DGKB: variants seen among roughly 807,000 people sequenced by gnomAD.
DGKB encodes diacylglycerol kinase beta, also known as 90 kDa diacylglycerol kinase.
A neutral mutation model predicts 114.3 loss-of-function variants in DGKB; 67 were observed. That is an observed-to-expected ratio of 0.59 (90% CI 0.48 to 0.72). The LOEUF (loss-of-function observed/expected upper bound fraction) is 0.72. Among genes scored for constraint, DGKB ranks in the 30% least tolerant of loss-of-function variants. The probability of loss-of-function intolerance (pLI) is 0.00; values close to 1 mark genes in which losing one functional copy is unlikely to be tolerated. For missense variants in DGKB, 907 were observed against 975.2 expected (o/e 0.93, Z 0.93); for synonymous variants, 398 against 323.1 (o/e 1.23, Z -2.49).
intron 20 of DGKB, among the ~76,000 whole-genome samples, chr7:14,546,878 G>A (rs536315256): frequency 2.0e-5 from 3 of 152,208 alleles, no homozygotes; most frequent in African/African-American, 7.2e-5. Flanking sequence ...TGGGATTCTG[G>A]CCATTTGAAT....
At chr7:14,208,044 A>G (rs915617198) in intron 23 of DGKB, among the ~76,000 whole-genome samples, 3 of 152,064 alleles carry the variant, frequency 2.0e-5, no homozygotes, top group Non-Finnish European at 2.9e-5. Flanking sequence ...TAAATATGCA[A>G]GCTTTTATAT....
intron 1 of DGKB, among the ~76,000 whole-genome samples, chr7:14,869,573 T>C (rs1852167967): frequency 6.6e-6 from 1 of 152,174 alleles, no homozygotes; most frequent in Non-Finnish European, 1.5e-5. Flanking sequence ...ATTACATGCT[T>C]TACTTTTAAA....
intron 21 of DGKB, among the ~76,000 whole-genome samples, chr7:14,477,162 A>G (rs911541760): frequency 1.3e-5 from 2 of 152,226 alleles, no homozygotes; most frequent in African/African-American, 4.8e-5. Flanking sequence ...TTAGAAAACT[A>G]TAAAACAATT....
chr7:14,318,838 G>A (rs576272361), intron 23 of DGKB, among the ~76,000 whole-genome samples: 11 of 152,208 alleles, frequency 7.2e-5, no homozygotes, highest in South Asian at 4.1e-4. Flanking sequence ...ACATGCACAC[G>A]TATGTTTATT....
In DGKB at chr7:14,726,134, T is replaced by A. The variant is rs1000774499; in HGVS notation, c.323-7449A>T. Reference sequence around the variant, plus strand: ...TTGGAGTTTTATTATTTATTTATTTTTATTTATTTATTTATTTATTTTTGA... The same window carrying A: ...TTGGAGTTTTATTATTTATTTATTTATATTTATTTATTTATTTATTTTTGA... On this transcript the variant is annotated intron_variant, in intron 5 of 25. Transcript: ENST00000402815. Among the ~76,000 whole-genome samples, 10 of 151,920 alleles carry A rather than the reference T, an allele frequency of 6.6e-5. No homozygotes were observed. The South Asian group carries it at 1.9e-3, about 28-fold the overall frequency.
intron 2 of DGKB, among the ~76,000 whole-genome samples, chr7:14,797,945 G>T (rs1357201852): frequency 6.6e-6 from 1 of 152,134 alleles, no homozygotes; most frequent in Non-Finnish European, 1.5e-5. Context: ...AGTGAATAAG[G>T]CAGAGTGGAA....
chr7:14,865,674 C>T (rs899630695), intron 1 of DGKB, among the ~76,000 whole-genome samples: 2 of 152,062 alleles, frequency 1.3e-5, no homozygotes, highest in Non-Finnish European at 2.9e-5. Context: ...CCATCATATA[C>T]AGTGAGAATG....
Position 14,502,374 on chromosome 7 carries a change from T to C in DGKB, c.1771-24149A>G, listed in dbSNP as rs73682403. Among the ~76,000 whole-genome samples the C allele has an allele frequency of 9.7e-3, 1,470 of 152,058 alleles. 20 individuals are homozygous for C. Among genetic ancestry groups the C allele is most frequent in the African/African-American group, 0.033 (1,375 of 41,526 alleles). Reference sequence around the variant, plus strand: ...CCCCAACCCCAGCTGCCAGAGCTAATGCCCATGAATCAAAGAAAAAAACAT... The same window carrying C: ...CCCCAACCCCAGCTGCCAGAGCTAACGCCCATGAATCAAAGAAAAAAACAT... On this transcript the variant is annotated intron_variant, in intron 20 of 25. Transcript: ENST00000402815.
At chr7:14,569,959 T>C (rs1798132391) in intron 20 of DGKB, among the ~76,000 whole-genome samples, 1 of 151,562 alleles carries the variant, frequency 6.6e-6, no homozygotes, top group Non-Finnish European at 1.5e-5. Flanking sequence ...TGTTATTGTT[T>C]CTGGAAAGTC....
intron 6 of DGKB, among the ~76,000 whole-genome samples, chr7:14,712,502 T>C (rs1456525887): frequency 6.6e-6 from 1 of 151,996 alleles, no homozygotes; most frequent in Non-Finnish European, 1.5e-5. Flanking sequence ...TGAAACCCCA[T>C]CTCTACTAAA....
At chr7:14,662,390 G>C (rs4317471) in intron 13 of DGKB, among the ~76,000 whole-genome samples, 69,882 of 151,644 alleles carry the variant, frequency 0.46, 17,692 homozygotes, top group Non-Finnish European at 0.57. Flanking sequence ...TTCTTCATTA[G>C]GAATGGGTTT....
At chr7:14,612,907 G>A (rs1004781353) in intron 16 of DGKB, among the ~76,000 whole-genome samples, 1 of 151,982 alleles carries the variant, frequency 6.6e-6, no homozygotes, top group Non-Finnish European at 1.5e-5. Flanking sequence ...CAGGAAATAT[G>A]GCATCATGTT....
At chr7:14,362,983 G>A (rs1816019760) in intron 21 of DGKB, among the ~76,000 whole-genome samples, 1 of 152,012 alleles carries the variant, frequency 6.6e-6, no homozygotes, top group African/African-American at 2.4e-5. Context: ...ATAAGCTCTG[G>A]ATCCTAGGCT....
chr7:14,689,466 C>A (rs968509468), intron 9 of DGKB, among the ~76,000 whole-genome samples: 3 of 152,020 alleles, frequency 2.0e-5, no homozygotes, highest in African/African-American at 7.2e-5. Flanking sequence ...CCACCGCGCC[C>A]GGCCGAAACT....
chr7:14,582,444 A>G (rs77314012), intron 18 of DGKB, among the ~76,000 whole-genome samples: 2,953 of 152,318 alleles, frequency 0.019, 47 homozygotes, highest in Non-Finnish European at 0.028. Context: ...AATAAGGCTT[A>G]ACTGTGCATT....
At chr7:14,263,781 T>C (rs1055857551) in intron 23 of DGKB, among the ~76,000 whole-genome samples, 5 of 19,268 alleles carry the variant, frequency 2.6e-4, no homozygotes, top group Non-Finnish European at 5.8e-4. Context: ...CTTTATCCCT[T>C]AGGCAAATCA....
At chr7:14,272,041 A>C (rs1046579072) in intron 23 of DGKB, among the ~76,000 whole-genome samples, 3 of 152,134 alleles carry the variant, frequency 2.0e-5, no homozygotes, top group African/African-American at 7.2e-5. Flanking sequence ...TGATATTTTG[A>C]TTTAAAACCA....
chr7:14,418,329 A>G (rs10271399), intron 21 of DGKB, among the ~76,000 whole-genome samples: 3 of 142,884 alleles, frequency 2.1e-5, no homozygotes, highest in Non-Finnish European at 4.5e-5. Context: ...GTATATATGT[A>G]TATATATACA....
At chr7:14,409,438 T>A (rs139296349) in intron 21 of DGKB, among the ~76,000 whole-genome samples, 3,913 of 13,624 alleles carry the variant, frequency 0.29, 1,560 homozygotes, top group Middle Eastern at 0.75. Flanking sequence ...CCGGGCGCGG[T>A]GGCTCACGCC....
Sources: gnomAD v4.1 joint callset for allele counts (sites outside exome capture counted in the v4.1 genomes callset) on GRCh38, gnomAD v4.1.1 for gene constraint, MANE v1.5 for transcripts, NCBI Gene and HGNC (gene_info 2026-07-23, HGNC 2026-07-21) for gene names.